The following RNGTT variants were observed in gnomAD, a reference collection of about 807,000 sequenced individuals.
The protein encoded by RNGTT is mRNA-capping enzyme.
A neutral mutation model predicts 79.3 loss-of-function variants in RNGTT; 33 were observed. The observed-to-expected ratio is 0.42, with a 90% CI of 0.32 to 0.56. RNGTT has a LOEUF of 0.56. RNGTT is among the 20% of genes least tolerant of loss of function. The probability of loss-of-function intolerance (pLI) is 0.17; values close to 1 mark genes in which losing one functional copy is unlikely to be tolerated. For missense variants in RNGTT, 497 were observed against 739.1 expected, an observed-to-expected ratio of 0.67 and a Z score of 3.80; for synonymous variants, 222 against 235.9, an observed-to-expected ratio of 0.94 and a Z score of 0.54.
At chr6:88,913,214 C>CAAAAAAAAAAAAAAAAA (rs58717773) in intron 4 of RNGTT, among the ~76,000 whole-genome samples, 1 of 65,544 alleles carries the variant, frequency 1.5e-5, no homozygotes, top group African/African-American at 4.6e-5. Context: ...CAAAAAAAAA[C>CAAAAAAAAAAAAAAAAA]AAAAAAAAAA....
chr6:88,786,542 T>C (rs1268583459), intron 12 of RNGTT, among the ~76,000 whole-genome samples: 5 of 152,144 alleles, frequency 3.3e-5, no homozygotes, highest in Non-Finnish European at 7.4e-5. Flanking sequence ...TAATAAAACA[T>C]AGTTTATTAC....
intron 11 of RNGTT, among the ~76,000 whole-genome samples, chr6:88,804,198 G>C (rs773841410): frequency 3.7e-4 from 56 of 152,280 alleles, no homozygotes; most frequent in Admixed American, 2.5e-3. Context: ...CTTTAATTCA[G>C]AGAGTAAAGT....
chr6:88,619,391 C>T (rs2127765206), intron 14 of RNGTT, among the ~76,000 whole-genome samples: 1 of 152,316 alleles, frequency 6.6e-6, no homozygotes, highest in South Asian at 2.1e-4. Flanking sequence ...TGGTCTCAAA[C>T]TCCTGGGCTT....
At chr6:88,633,286 C>T (rs763729914) in intron 14 of RNGTT, among the ~76,000 whole-genome samples, 1 of 151,920 alleles carries the variant, frequency 6.6e-6, no homozygotes, top group East Asian at 1.9e-4. Context: ...GCTTGATGAA[C>T]ATTATACAAA....
At chr6:88,674,314 G>A (rs1774774920) in intron 14 of RNGTT, among the ~76,000 whole-genome samples, 1 of 152,164 alleles carries the variant, frequency 6.6e-6, no homozygotes. Context: ...TTCGGAGGCT[G>A]AGATGGGTGG....
intron 13 of RNGTT, among the ~76,000 whole-genome samples, chr6:88,687,966 T>G (rs1383454305): frequency 6.6e-6 from 1 of 152,104 alleles, no homozygotes; most frequent in South Asian, 2.1e-4. Flanking sequence ...AATCAGTATG[T>G]TGAGAGAACC....
chr6:88,950,618 G>A (rs1375926935), intron 1 of RNGTT, among the ~76,000 whole-genome samples: 1 of 152,148 alleles, frequency 6.6e-6, no homozygotes, highest in Non-Finnish European at 1.5e-5. Flanking sequence ...GACTTCAGTG[G>A]AATAAGTAAC....
intron 5 of RNGTT, among the ~76,000 whole-genome samples, chr6:88,905,918 G>A (rs1783638342): frequency 6.6e-6 from 1 of 152,194 alleles, no homozygotes; most frequent in South Asian, 2.1e-4. Context: ...GCCAAGGGTG[G>A]AAGATAACTT....
intron 13 of RNGTT, among the ~76,000 whole-genome samples, chr6:88,698,313 A>ATG: frequency 7.4e-6 from 1 of 134,428 alleles, no homozygotes; most frequent in African/African-American, 3.0e-5. Context: ...AAATATATAT[A>ATG]TGAAATATAT....
At chr6:88,639,161 C>T (rs974665079) in intron 14 of RNGTT, among the ~76,000 whole-genome samples, 2 of 151,596 alleles carry the variant, frequency 1.3e-5, no homozygotes, top group Admixed American at 6.6e-5. Flanking sequence ...GAGGAGGTAA[C>T]GTCTATTTCT....
At chr6:88,874,198 A>G (rs1033298260) in intron 8 of RNGTT, among the ~76,000 whole-genome samples, 1 of 152,146 alleles carries the variant, frequency 6.6e-6, no homozygotes, top group African/African-American at 2.4e-5. Context: ...CTCTGTAGCA[A>G]TACAAGTTAA....
intron 12 of RNGTT, among the ~76,000 whole-genome samples, chr6:88,777,618 T>C (rs145347796): frequency 1.3e-5 from 2 of 152,324 alleles, no homozygotes; most frequent in South Asian, 2.1e-4. Flanking sequence ...CTGTTATCGA[T>C]TGGTGTAAAG....
At chr6:88,928,522 T>C (rs1057288648) in intron 4 of RNGTT, among the ~76,000 whole-genome samples, 3 of 152,242 alleles carry the variant, frequency 2.0e-5, no homozygotes, top group African/African-American at 7.2e-5. Context: ...AGAGTAGCAA[T>C]CAATAAAAAT....
intron 13 of RNGTT, among the ~76,000 whole-genome samples, chr6:88,764,601 C>A (rs1036692437): frequency 1.3e-5 from 2 of 152,160 alleles, no homozygotes; most frequent in Non-Finnish European, 2.9e-5. Flanking sequence ...AATTATTATA[C>A]ACATACTTTT....
chr6:88,795,654 G>T (rs536724902), intron 12 of RNGTT, among the ~76,000 whole-genome samples: 1 of 152,030 alleles, frequency 6.6e-6, no homozygotes, highest in South Asian at 2.1e-4. Flanking sequence ...TGCATGTTCC[G>T]CACATGAATC....
At chr6:88,886,806 T>C (rs138138653) in intron 8 of RNGTT, among the ~76,000 whole-genome samples, 15 of 152,310 alleles carry the variant, frequency 9.8e-5, no homozygotes, top group African/African-American at 3.1e-4. Context: ...TATAAATTTC[T>C]CACTGTTTCA....
chr6:88,837,025 AG>A (rs1242349227), intron 11 of RNGTT, among the ~76,000 whole-genome samples: 14 of 152,198 alleles, frequency 9.2e-5, no homozygotes, highest in African/African-American at 3.4e-4. Flanking sequence ...CCAAACCCAA[AG>A]CACTACAATC....
chr6:88,739,485 A>T (rs1392395076), intron 13 of RNGTT, among the ~76,000 whole-genome samples: 1 of 152,050 alleles, frequency 6.6e-6, no homozygotes, highest in African/African-American at 2.4e-5. Context: ...GGAATAATAG[A>T]GCAGAAAAAT....
chr6:88,886,939 A>C (rs955131474), intron 8 of RNGTT, among the ~76,000 whole-genome samples: 1 of 151,852 alleles, frequency 6.6e-6, no homozygotes, highest in African/African-American at 2.4e-5. Context: ...GGCAGGGTTC[A>C]ATGGCTCACA....
Sources: gnomAD v4.1 joint callset for allele counts (sites outside exome capture counted in the v4.1 genomes callset) on GRCh38, gnomAD v4.1.1 for gene constraint, MANE v1.5 for transcripts, NCBI Gene and HGNC (gene_info 2026-07-23, HGNC 2026-07-21) for gene names.